SGTA: variants seen among roughly 807,000 people sequenced by gnomAD.
The protein encoded by SGTA is small glutamine-rich tetratricopeptide repeat-containing protein alpha.
A neutral mutation model predicts 44.3 loss-of-function variants in SGTA; 22 were observed. The observed-to-expected ratio is 0.50, with a 90% CI of 0.36 to 0.71. SGTA has a LOEUF of 0.71. Among genes scored for constraint, SGTA ranks in the 30% least tolerant of loss-of-function variants. The pLI, the probability that SGTA is intolerant of heterozygous loss-of-function variation, is 0.00. For synonymous variants in SGTA, 174 were observed against 177.6 expected (o/e 0.98, Z 0.16); for missense variants, 341 against 435.9 (o/e 0.78, Z 1.94).
At position 2,755,820 on chromosome 19, in the gene SGTA, G is replaced by A; in HGVS notation, c.*120C>T. 2 of 985,546 alleles carry A rather than the reference G, an allele frequency of 2.0e-6. No homozygotes were observed. The highest frequency in any genetic ancestry group is 5.2e-4 in the Middle Eastern group (1 of 1,914). The allele number at this position is 985,546 out of a possible 1,614,324, so 61.1% of individuals were successfully genotyped here. On this transcript the variant is annotated 3_prime_UTR_variant, in exon 12 of 12. Transcript: ENST00000221566. The surrounding 1 kb of genome is among the most constrained non-coding windows in gnomAD (Gnocchi z 5.2). ...AGGGGAAAATCCATCTTGACATGCA[G>A]GTCCGAGGTCTCTCTCTTCCCCTCT...
intron 7 of SGTA, 149 bp downstream of exon 7, chr19:2,762,357 C>G (rs933521496): frequency 2.7e-6 from 2 of 744,498 alleles, no homozygotes; most frequent in Admixed American, 2.5e-5. Context: ...CTCACTTCCA[C>G]GCCTGTGCAT....
rs145092227 is a variant in SGTA, at chr19:2,766,492, G to T, written c.292+644C>A. Among the ~76,000 whole-genome samples the T allele has an allele frequency of 2.6e-3, 392 of 152,014 alleles. 2 individuals are homozygous for T. Among genetic ancestry groups the T allele is most frequent in the African/African-American group, 9.1e-3 (376 of 41,464 alleles). On this transcript the variant is annotated intron_variant, in intron 4 of 11. Transcript: ENST00000221566. ...TTATCGCCCAGGCTGGAGTGCAGTGGCGCGATCTGGACTCACTGCAACCTC... is the reference window on the plus strand; with the variant it reads ...TTATCGCCCAGGCTGGAGTGCAGTGTCGCGATCTGGACTCACTGCAACCTC...
intron 1 of SGTA, among the ~76,000 whole-genome samples, chr19:2,777,060 C>T (rs1915459806): frequency 6.6e-6 from 1 of 150,620 alleles, no homozygotes; most frequent in African/African-American, 2.5e-5. Context: ...ATCAGGAGTT[C>T]GAGACCAGCC....
rs1046147950 is a variant in SGTA at position 2,767,925 on chromosome 19, G to A, written c.101-239C>T. Among the ~76,000 whole-genome samples, 1 of 152,212 alleles carries A rather than the reference G, an allele frequency of 6.6e-6. No individual in the cohort carries two copies. The highest frequency in any genetic ancestry group is 2.4e-5 in the African/African-American group (1 of 41,460). Reference sequence around the variant, plus strand: ...GAGAGCAGCAGAGGCCGTGGGCAGAGTGGAGCCCAGGTGGTGACCTCAGGC... The same window carrying A: ...GAGAGCAGCAGAGGCCGTGGGCAGAATGGAGCCCAGGTGGTGACCTCAGGC... On this transcript the variant is annotated intron_variant, in intron 2 of 11. Coordinates refer to ENST00000221566, the MANE Select transcript of SGTA (RefSeq NM_003021.4). This position sits in a 1 kb window ranked among gnomAD's most constrained non-coding sequence, Gnocchi z 7.3.
intron 7 of SGTA, among the ~76,000 whole-genome samples, chr19:2,762,211 C>T (rs370293173): frequency 2.0e-5 from 3 of 152,190 alleles, no homozygotes; most frequent in East Asian, 1.9e-4. Flanking sequence ...CCAGCCAACC[C>T]GAAGCCTCCT....
At chr19:2,776,962 CA>C (rs200520057) in intron 1 of SGTA, among the ~76,000 whole-genome samples, 3 of 141,440 alleles carry the variant, frequency 2.1e-5, no homozygotes, top group African/African-American at 5.3e-5. Flanking sequence ...AACTCCGTCT[CA>C]AAAAAAAAAG....
intron 1 of SGTA, among the ~76,000 whole-genome samples, chr19:2,778,483 C>A (rs539461898): frequency 6.7e-6 from 1 of 149,092 alleles, no homozygotes; most frequent in Non-Finnish European, 1.5e-5. Flanking sequence ...TGCTGCTTTC[C>A]CTCCTGGAAC....
At chr19:2,779,954 C>T (rs1025936008) in intron 1 of SGTA, among the ~76,000 whole-genome samples, 57 of 151,950 alleles carry the variant, frequency 3.8e-4, no homozygotes, top group African/African-American at 1.4e-3. Flanking sequence ...CCTGATGTGG[C>T]GGCACACACT....
intron 1 of SGTA, among the ~76,000 whole-genome samples, chr19:2,779,463 G>A (rs562992682): frequency 8.5e-5 from 13 of 152,338 alleles, no homozygotes; most frequent in Admixed American, 2.6e-4. Flanking sequence ...GCAAGCATGA[G>A]GACGGCATTT....
intron 1 of SGTA, chr19:2,782,669 T>C (rs1196528772): frequency 6.6e-6 from 1 of 152,218 alleles, no homozygotes; most frequent in African/African-American, 2.4e-5. Flanking sequence ...CTAAACATGA[T>C]ATAAGACGAA....
intron 9 of SGTA, among the ~76,000 whole-genome samples, chr19:2,758,433 C>A (rs1914889843): frequency 6.6e-6 from 1 of 151,822 alleles, no homozygotes; most frequent in African/African-American, 2.4e-5. Context: ...GGAAGACCCA[C>A]TTGATCCCGG....
intron 1 of SGTA, among the ~76,000 whole-genome samples, chr19:2,772,667 G>A (rs889187351): frequency 2.6e-5 from 4 of 152,370 alleles, no homozygotes; most frequent in South Asian, 2.1e-4. Flanking sequence ...CCAGTGTACG[G>A]CGGGTCCCTA....
intron 1 of SGTA, among the ~76,000 whole-genome samples, chr19:2,769,906 G>C (rs1915254978): frequency 9.3e-6 from 1 of 107,422 alleles, no homozygotes. Context: ...TCCCCCAGCG[G>C]ACACCAGCCT....
At chr19:2,768,369 C>CA (rs1713094073) in intron 2 of SGTA, among the ~76,000 whole-genome samples, 1 of 152,210 alleles carries the variant, frequency 6.6e-6, no homozygotes, top group Admixed American at 6.5e-5. Flanking sequence ...ACTGGGTGTC[C>CA]ATGCTACAGA....
intron 1 of SGTA, among the ~76,000 whole-genome samples, chr19:2,776,023 G>C (rs899898865): frequency 6.6e-6 from 1 of 152,100 alleles, no homozygotes; most frequent in Non-Finnish European, 1.5e-5. Context: ...TAGAGCCGGC[G>C]GGCAGCCAGT....
In SGTA at chr19:2,762,644, G is replaced by C; in HGVS notation, c.498C>G (p.Gly166=). The C allele has an allele frequency of 1.2e-6, 2 of 1,613,874 alleles. No homozygotes were observed. The highest frequency in any genetic ancestry group is 1.7e-6 in the Non-Finnish European group (2 of 1,179,978). ...PAYSKAYGRM[G]LALSSLNKHV... is the part of the protein sequence containing the mutation. ...GCTTGTTGAGGCTGGAGAGCGCCAG[G>C]CTGGAGGAGAGCACCGGGGATGGAC... Residue 166 remains glycine (G), a splice_region_variant and synonymous_variant, in exon 7 of 12, where the codon GGC becomes GGG. Transcript: ENST00000221566.
intron 1 of SGTA, among the ~76,000 whole-genome samples, chr19:2,774,283 G>A (rs1411075220): frequency 6.6e-6 from 1 of 152,166 alleles, no homozygotes; most frequent in Non-Finnish European, 1.5e-5. Flanking sequence ...GGGACGCGTG[G>A]TCGCATGCCC....
Position 2,755,613 on chromosome 19 carries a change from C to T in SGTA, c.*327G>A. 1.0e-6 allele frequency: 1 copy of T among 985,572 alleles called. No homozygotes were observed. Among genetic ancestry groups the T allele is most frequent in the East Asian group, 1.1e-4 (1 of 8,822 alleles). 61.1% of individuals were successfully genotyped at this position (985,572 alleles called of 1,614,324 possible). A position where few individuals can be genotyped will look rare whatever the true frequency, so the allele number is the denominator to read the frequency against. ...ACACGGCTGAACGTGAAACCTGCCA[C>T]TTCTCTGAGAGCGGCCCGGGAGCAC... is the stretch of plus-strand genomic sequence containing the variant. On this transcript the variant is annotated 3_prime_UTR_variant, in exon 12 of 12. Transcript: ENST00000221566. This position sits in a 1 kb window ranked among gnomAD's most constrained non-coding sequence, Gnocchi z 5.2.
At chr19:2,779,825 C>G (rs947257617) in intron 1 of SGTA, among the ~76,000 whole-genome samples, 1 of 152,188 alleles carries the variant, frequency 6.6e-6, no homozygotes, top group Non-Finnish European at 1.5e-5. Flanking sequence ...GTAATCCCAG[C>G]ACTTTGGGAG....
Sources: gnomAD v4.1 joint callset for allele counts (sites outside exome capture counted in the v4.1 genomes callset) on GRCh38, gnomAD v4.1.1 for gene constraint, Gnocchi (gnomAD v3.1) non-coding constraint, MANE v1.5 for transcripts, NCBI Gene and HGNC (gene_info 2026-07-23, HGNC 2026-07-21) for gene names.